Variants in LRP1B observed in about 807,000 individuals in gnomAD.
LRP1B encodes the protein low-density lipoprotein receptor-related protein 1B.
Under a neutral mutation model 556.6 loss-of-function variants are expected in LRP1B, and 217 were observed. That is an observed-to-expected ratio of 0.39 (90% CI 0.35 to 0.44). The LOEUF (loss-of-function observed/expected upper bound fraction) is 0.44. LRP1B is among the 20% of genes least tolerant of loss of function. The pLI, the probability that LRP1B is intolerant of heterozygous loss-of-function variation, is 1.00. For missense variants in LRP1B, 5,053 were observed against 5,620.8 expected, an observed-to-expected ratio of 0.90 and a Z score of 3.23; for synonymous variants, 2,047 against 1,865.8, an observed-to-expected ratio of 1.10 and a Z score of -2.50.
chr2:141,999,731 G>C (rs1702600874), intron 1 of LRP1B, among the ~76,000 whole-genome samples: 1 of 151,644 alleles, frequency 6.6e-6, no homozygotes, highest in African/African-American at 2.4e-5. Context: ...ATTTAATGTA[G>C]AATTCTTAGT....
chr2:140,621,010 A>C (rs1683429608), intron 41 of LRP1B, among the ~76,000 whole-genome samples: 2 of 152,066 alleles, frequency 1.3e-5, no homozygotes, highest in Admixed American at 1.3e-4. Flanking sequence ...AGTTCCACTC[A>C]TCTATTGCAA....
At chr2:141,884,236 C>T (rs1447304781) in intron 1 of LRP1B, among the ~76,000 whole-genome samples, 1 of 152,050 alleles carries the variant, frequency 6.6e-6, no homozygotes, top group African/African-American at 2.4e-5. Flanking sequence ...AATAGCCAGG[C>T]ATGGTAGCAT....
intron 11 of LRP1B, among the ~76,000 whole-genome samples, chr2:141,047,469 C>G (rs1446321909): frequency 6.6e-6 from 1 of 152,052 alleles, no homozygotes; most frequent in African/African-American, 2.4e-5. Context: ...TTACACCATC[C>G]ATGCTGTAAA....
chr2:141,608,518 A>G (rs894140275), intron 2 of LRP1B, among the ~76,000 whole-genome samples: 2 of 152,178 alleles, frequency 1.3e-5, no homozygotes, highest in Non-Finnish European at 2.9e-5. Context: ...AACTTAAAAC[A>G]CTAAATACTG....
chr2:141,105,783 A>G (rs781124936), intron 7 of LRP1B, among the ~76,000 whole-genome samples: 27 of 152,160 alleles, frequency 1.8e-4, no homozygotes, highest in Non-Finnish European at 1.8e-4. Flanking sequence ...TAAAACTTAC[A>G]TTGGAATTAA....
chr2:141,781,065 A>C (rs140975396), intron 2 of LRP1B, among the ~76,000 whole-genome samples: 2 of 152,124 alleles, frequency 1.3e-5, no homozygotes, highest in African/African-American at 4.8e-5. Context: ...AGAATGCGGC[A>C]CTTGTAGAGA....
chr2:140,401,854 G>C (rs1035336866), intron 66 of LRP1B, among the ~76,000 whole-genome samples: 3 of 152,212 alleles, frequency 2.0e-5, no homozygotes, highest in African/African-American at 7.2e-5. Flanking sequence ...GCAACACCCT[G>C]GCTAACCAGG....
At chr2:141,520,235 C>A (rs925690676) in intron 2 of LRP1B, among the ~76,000 whole-genome samples, 2 of 152,046 alleles carry the variant, frequency 1.3e-5, no homozygotes, top group Non-Finnish European at 2.9e-5. Flanking sequence ...AAGGGCAATA[C>A]CAGTGATTTC....
intron 89 of LRP1B, among the ~76,000 whole-genome samples, chr2:140,237,903 TA>T (rs1224558733): frequency 6.6e-6 from 1 of 150,862 alleles, no homozygotes; most frequent in Non-Finnish European, 1.5e-5. Context: ...AAAAAACATA[TA>T]AAAACATGTT....
intron 2 of LRP1B, among the ~76,000 whole-genome samples, chr2:141,664,024 A>G (rs1690328742): frequency 6.6e-6 from 1 of 152,094 alleles, no homozygotes; most frequent in South Asian, 2.1e-4. Context: ...ATCCAGCAGC[A>G]CATCAAAAAG....
rs1698800888 is a variant in LRP1B at position 141,877,314 on chromosome 2, T to A, written c.83-66913A>T. Reference sequence around the variant, plus strand: ...GGATTTCTGTTCCCTAGTCACTGGGTGCAATTGTTGGGAAGTAGCAGTCTA... The same window carrying A: ...GGATTTCTGTTCCCTAGTCACTGGGAGCAATTGTTGGGAAGTAGCAGTCTA... On this transcript the variant is annotated intron_variant, in intron 1 of 90. Transcript: ENST00000389484. 1.3e-5 allele frequency among the ~76,000 whole-genome samples: 2 copies of A among 151,942 alleles called. 1 individual carries two copies. The highest frequency in any genetic ancestry group is 4.1e-4 in the South Asian group (2 of 4,832).
At chr2:141,903,281 A>C (rs1699673365) in intron 1 of LRP1B, among the ~76,000 whole-genome samples, 1 of 151,934 alleles carries the variant, frequency 6.6e-6, no homozygotes, top group Non-Finnish European at 1.5e-5. Flanking sequence ...ATATTAAAGA[A>C]GAAACTGTTA....
At chr2:141,230,718 C>T (rs1271346835) in intron 5 of LRP1B, among the ~76,000 whole-genome samples, 7 of 152,138 alleles carry the variant, frequency 4.6e-5, no homozygotes, top group Non-Finnish European at 8.8e-5. Flanking sequence ...AGAGGGGCTT[C>T]CCACTTCCTG....
intron 2 of LRP1B, among the ~76,000 whole-genome samples, chr2:141,749,081 AATTTT>A (rs1260568142): frequency 6.6e-5 from 10 of 152,200 alleles, no homozygotes; most frequent in Non-Finnish European, 1.5e-4. Context: ...GAAAATAACT[AATTTT>A]ATTTTACATG....
chr2:141,607,653 T>C (rs1018756733), intron 2 of LRP1B, among the ~76,000 whole-genome samples: 1 of 152,156 alleles, frequency 6.6e-6, no homozygotes, highest in Non-Finnish European at 1.5e-5. Context: ...GCATGGTGGC[T>C]CACACCTGTA....
chr2:140,978,342 A>T (rs898525742), intron 18 of LRP1B, among the ~76,000 whole-genome samples: 1 of 152,204 alleles, frequency 6.6e-6, no homozygotes, highest in Non-Finnish European at 1.5e-5. Flanking sequence ...ATGTTTTTAA[A>T]TCCAAATTTT....
chr2:140,260,103 ATAAAAACT>A (rs1213449060), intron 86 of LRP1B, among the ~76,000 whole-genome samples: 2 of 152,038 alleles, frequency 1.3e-5, no homozygotes, highest in Non-Finnish European at 2.9e-5. Flanking sequence ...GAAGTAAAAC[ATAAAAACT>A]AACATTGCTA....
intron 43 of LRP1B, among the ~76,000 whole-genome samples, chr2:140,567,788 C>T (rs745725738): frequency 2.0e-5 from 3 of 152,146 alleles, no homozygotes; most frequent in Non-Finnish European, 4.4e-5. Context: ...CACCAAAGAC[C>T]TTAACAACAT....
Position 140,601,375 on chromosome 2 carries a change from C to T in LRP1B, c.6989+75G>A, listed in dbSNP as rs2105197578. On this transcript the variant is annotated intron_variant, in intron 42 of 90. Coordinates refer to ENST00000389484, the MANE Select transcript of LRP1B (RefSeq NM_018557.3). Reference sequence around the variant, plus strand: ...AAAAACTTTATTTTTAAAGTTAATTCTTAAAATTAACAGAACTCTGATATT... The same window carrying T: ...AAAAACTTTATTTTTAAAGTTAATTTTTAAAATTAACAGAACTCTGATATT... 9 of 1,173,798 alleles carry T rather than the reference C, an allele frequency of 7.7e-6. No homozygotes were observed. The South Asian group carries it at 2.1e-4, about 28-fold the overall frequency. The allele number at this position is 1,173,798 out of a possible 1,614,324, so 72.7% of individuals were successfully genotyped here.
Sources: gnomAD v4.1 joint callset for allele counts (sites outside exome capture counted in the v4.1 genomes callset) on GRCh38, gnomAD v4.1.1 for gene constraint, MANE v1.5 for transcripts, NCBI Gene and HGNC (gene_info 2026-07-23, HGNC 2026-07-21) for gene names.